Variants in CCR9 observed in about 807,000 individuals in gnomAD.
CCR9 encodes the protein C-C chemokine receptor type 9.
CCR9 carries 4 observed loss-of-function variants against 8.7 expected under a neutral mutation model. The observed-to-expected ratio is 0.46, with a 90% CI of 0.23 to 1.06. The LOEUF is 1.06. Ranked by LOEUF, CCR9 falls within the 50% of genes least tolerant of loss-of-function variation. The pLI is 0.21. For synonymous variants in CCR9, 159 were observed against 168.8 expected (o/e 0.94, Z 0.45); for missense variants, 394 against 453.6 (o/e 0.87, Z 1.19).
Position 45,900,684 on chromosome 3 carries a change from C to T in CCR9, c.22-126C>T. The T allele has an allele frequency of 1.2e-6, 1 of 863,074 alleles. No individual in the cohort carries two copies. Among genetic ancestry groups the T allele is most frequent in the Non-Finnish European group, 1.8e-6 (1 of 552,522 alleles). 53.5% of individuals were successfully genotyped at this position (863,074 alleles called of 1,614,324 possible). Reference sequence around the variant, plus strand: ...ACCCAAGCAGATGTCCTCAGAATGCCTATGTGTCTTTGGCCTTATCATAGG... The same window carrying T: ...ACCCAAGCAGATGTCCTCAGAATGCTTATGTGTCTTTGGCCTTATCATAGG... On this transcript the variant is annotated intron_variant, in intron 2 of 2. Coordinates refer to ENST00000357632, the MANE Select transcript of CCR9 (RefSeq NM_031200.3). The surrounding 1 kb of genome is among the most constrained non-coding windows in gnomAD (Gnocchi z 4.7).
chr3:45,891,626 C>T (rs749837188), intron 1 of CCR9, among the ~76,000 whole-genome samples: 1 of 152,144 alleles, frequency 6.6e-6, no homozygotes, highest in Non-Finnish European at 1.5e-5. Context: ...CCGGATGCAG[C>T]ACTATCATCG....
chr3:45,895,420 A>G (rs1179538704), intron 2 of CCR9, among the ~76,000 whole-genome samples: 2 of 152,234 alleles, frequency 1.3e-5, no homozygotes, highest in African/African-American at 4.8e-5. Flanking sequence ...AGCAAAAATT[A>G]GTGAGTCAGT....
intron 2 of CCR9, among the ~76,000 whole-genome samples, chr3:45,898,810 C>T (rs532025608): frequency 1.3e-5 from 2 of 152,334 alleles, no homozygotes; most frequent in South Asian, 2.1e-4. Context: ...CATTGTTAAA[C>T]AAAATTCAAC....
chr3:45,896,143 T>TA (rs1325113544), intron 2 of CCR9, among the ~76,000 whole-genome samples: 1 of 152,272 alleles, frequency 6.6e-6, no homozygotes, highest in African/African-American at 2.4e-5. Flanking sequence ...TGACAAAAAG[T>TA]AGACTCTTCA....
In CCR9 at chr3:45,901,862, G is replaced by A. The variant is rs762500309; in HGVS notation, c.1074G>A (p.Met358Ile). 6.2e-7 allele frequency: 1 copy of A among 1,609,044 alleles called. No homozygotes were observed. The change falls in exon 3 of 3, where the codon ATG becomes ATA. Residue 358 changes from methionine to isoleucine, a missense_variant. Coordinates refer to ENST00000357632, the MANE Select transcript of CCR9 (RefSeq NM_031200.3). The surrounding 1 kb of genome is among the most constrained non-coding windows in gnomAD (Gnocchi z 4.3). ...RREGSLKLSS[M>I]LLETTSGALS... is the part of the protein sequence containing the mutation. ...AGGGAAGCTTGAAGCTGTCGTCTATGTTGCTGGAGACAACCTCAGGAGCAC... is the reference window on the plus strand; with the variant it reads ...AGGGAAGCTTGAAGCTGTCGTCTATATTGCTGGAGACAACCTCAGGAGCAC...
chr3:45,892,234 CAT>C (rs769759189), intron 1 of CCR9, among the ~76,000 whole-genome samples: 4 of 152,138 alleles, frequency 2.6e-5, no homozygotes, highest in Non-Finnish European at 5.9e-5. Context: ...ATCTTAAAAA[CAT>C]ATGGGTATAA....
chr3:45,891,540 TC>T lies in CCR9; in HGVS notation c.-28-3365del, dbSNP rs1702179387. Among the ~76,000 whole-genome samples the T allele has an allele frequency of 2.0e-5, 3 of 152,270 alleles. No individual in the cohort carries two copies. The East Asian group carries it at 5.8e-4, about 29-fold the overall frequency. ...CTGTTCTCTTTTGCCCCTAAATACT[TC>T]AGGGGATAATTCCTAAGAACAGGGG... On this transcript the variant is annotated intron_variant, in intron 1 of 2. Coordinates refer to ENST00000357632, the MANE Select transcript of CCR9 (RefSeq NM_031200.3).
rs1230603777 is a variant in CCR9, at chr3:45,900,661, C to A, written c.22-149C>A. ...GTTGAATAAATAAATATGTCACAAC[C>A]CAAGCAGATGTCCTCAGAATGCCTA... On this transcript the variant is annotated intron_variant, in intron 2 of 2. Transcript: ENST00000357632. The surrounding 1 kb of genome is among the most constrained non-coding windows in gnomAD (Gnocchi z 4.7). The A allele has an allele frequency of 1.4e-5, 10 of 714,650 alleles. No individual in the cohort carries two copies. Among genetic ancestry groups the A allele is most frequent in the Admixed American group, 2.5e-5 (1 of 39,268 alleles). 44.3% of individuals were successfully genotyped at this position (714,650 alleles called of 1,614,324 possible).
intron 1 of CCR9, among the ~76,000 whole-genome samples, chr3:45,890,077 C>A (rs1702100481): frequency 6.7e-6 from 1 of 149,994 alleles, no homozygotes; most frequent in Non-Finnish European, 1.5e-5. Flanking sequence ...AAACTCTTAC[C>A]AATGTCGTTA....
intron 2 of CCR9, among the ~76,000 whole-genome samples, chr3:45,897,173 C>A (rs574323632): frequency 1.3e-5 from 2 of 152,242 alleles, no homozygotes; most frequent in Non-Finnish European, 2.9e-5. Context: ...TGAGGGATTT[C>A]CAGAGGATTT....
chr3:45,894,487 A>G (rs1702288065), intron 1 of CCR9, among the ~76,000 whole-genome samples: 1 of 152,176 alleles, frequency 6.6e-6, no homozygotes. Context: ...CTGATAGAGC[A>G]GGGGGAAGGG....
chr3:45,893,784 T>TA (rs370634412), intron 1 of CCR9, among the ~76,000 whole-genome samples: 184 of 152,334 alleles, frequency 1.2e-3, no homozygotes, highest in African/African-American at 4.1e-3. Flanking sequence ...GACATATACT[T>TA]ACAATTTTCT....
chr3:45,887,243 G>A (rs1030630689), intron 1 of CCR9, among the ~76,000 whole-genome samples: 29 of 118,336 alleles, frequency 2.5e-4, no homozygotes, highest in Non-Finnish European at 3.5e-4. Flanking sequence ...TATTAAGTGC[G>A]TGTGTGTCTG....
chr3:45,888,421 T>C (rs1702049157), intron 1 of CCR9, among the ~76,000 whole-genome samples: 1 of 152,252 alleles, frequency 6.6e-6, no homozygotes, highest in Non-Finnish European at 1.5e-5. Context: ...TTTGTTGTTA[T>C]TTGCAGCCAT....
intron 1 of CCR9, among the ~76,000 whole-genome samples, chr3:45,891,216 C>T (rs1041740131): frequency 6.6e-6 from 1 of 152,206 alleles, no homozygotes; most frequent in African/African-American, 2.4e-5. Flanking sequence ...GAGGCTGGGG[C>T]TACTCATTTT....
Position 45,894,962 on chromosome 3 carries a change from C to CAGACTTCACAGAGG in CCR9, c.21+10_21+11insACTTCACAGAGGAG. 2 of 1,613,674 alleles carry CAGACTTCACAGAGG rather than the reference C, an allele frequency of 1.2e-6. No homozygotes were observed. Among genetic ancestry groups the CAGACTTCACAGAGG allele is most frequent in the Non-Finnish European group, 8.5e-7 (1 of 1,179,560 alleles). Reference sequence around the variant, plus strand: ...ACACCCACAGACTTCACAGTGAGTACAGCCGTGCTCCTCTGGCTCCTCAAA... The same window carrying CAGACTTCACAGAGG: ...ACACCCACAGACTTCACAGTGAGTACAGACTTCACAGAGGAGCCGTGCTCCTCTGGCTCCTCAAA... On this transcript the variant is annotated intron_variant, in intron 2 of 2. Coordinates refer to ENST00000357632, the MANE Select transcript of CCR9 (RefSeq NM_031200.3).
At chr3:45,897,576 G>T in intron 2 of CCR9, 3 of 1,535,384 alleles carry the variant, frequency 2.0e-6, no homozygotes, top group Non-Finnish European at 2.6e-6. Context: ...TCCAGGCCCC[G>T]CTCCAGATCA....
At position 45,902,911 on chromosome 3, in the gene CCR9, G is replaced by A. The variant is rs1702603924; in HGVS notation, c.*1013G>A. 1 of 167,046 alleles carries A rather than the reference G, an allele frequency of 6.0e-6. No individual in the cohort carries two copies. Among genetic ancestry groups the A allele is most frequent in the Non-Finnish European group, 1.5e-5 (1 of 68,110 alleles). 10.3% of individuals were successfully genotyped at this position (167,046 alleles called of 1,614,324 possible). A position where few individuals can be genotyped will look rare whatever the true frequency, so the allele number is the denominator to read the frequency against. Reference sequence around the variant, plus strand: ...TTGCTGGAAGGCTATTTACTTCCATGCTTCTCCTTTTCTTACTCTATAGTG... The same window carrying A: ...TTGCTGGAAGGCTATTTACTTCCATACTTCTCCTTTTCTTACTCTATAGTG... On this transcript the variant is annotated 3_prime_UTR_variant, in exon 3 of 3. Transcript: ENST00000357632.
intron 2 of CCR9, among the ~76,000 whole-genome samples, chr3:45,896,229 G>C (rs1346848183): frequency 2.0e-5 from 3 of 152,214 alleles, no homozygotes; most frequent in Non-Finnish European, 4.4e-5. Flanking sequence ...GCAGAGCCAG[G>C]GCTGCTTCTG....
Sources: allele counts gnomAD v4.1 joint callset (sites outside exome capture counted in the v4.1 genomes callset), GRCh38; gene constraint gnomAD v4.1.1; non-coding constraint Gnocchi (gnomAD v3.1); transcripts MANE v1.5; gene names NCBI Gene and HGNC (gene_info 2026-07-23, HGNC 2026-07-21).